The following NOX4 variants were observed in gnomAD, a reference collection of about 807,000 sequenced individuals.
NOX4 encodes kidney oxidase-1.
A neutral mutation model predicts 87.6 loss-of-function variants in NOX4; 69 were observed. The observed-to-expected ratio is 0.79, with a 90% CI of 0.65 to 0.96. NOX4 has a LOEUF of 0.96. NOX4 is among the 40% of genes least tolerant of loss of function. The probability of loss-of-function intolerance (pLI) is 0.00; values close to 1 mark genes in which losing one functional copy is unlikely to be tolerated. For missense variants in NOX4, 680 were observed against 681.5 expected (o/e 1.00, Z 0.02); for synonymous variants, 275 against 238.2 (o/e 1.15, Z -1.42).
In NOX4 at chr11:89,325,115, CTTTTTTTTTTTTTTT is replaced by C. The variant is rs141198784; in HGVS notation, c.*1626_*1640del. ...ACTAAACTGTATGAATGCTTTAATTCTTTTTTTTTTTTTTTTTTTTTTTTTTTGAGATGGAATCTT... is the reference window on the plus strand; with the variant it reads ...ACTAAACTGTATGAATGCTTTAATTCTTTTTTTTTTTTGAGATGGAATCTT... On this transcript the variant is annotated 3_prime_UTR_variant, in exon 18 of 18. Transcript: ENST00000263317. 4 of 76,328 alleles carry C rather than the reference CTTTTTTTTTTTTTTT, an allele frequency of 5.2e-5. No homozygotes were observed. In the South Asian group the frequency reaches 1.8e-3, roughly 34 times the overall value. The allele number at this position is 76,328 out of a possible 1,614,324, so 4.7% of individuals were successfully genotyped here.
At chr11:89,460,915 C>A (rs1945431235) in intron 2 of NOX4, among the ~76,000 whole-genome samples, 1 of 152,140 alleles carries the variant, frequency 6.6e-6, no homozygotes, top group Non-Finnish European at 1.5e-5. Context: ...ACCCAAATGT[C>A]CAACAATGAT....
upstream of NOX4, among the ~76,000 whole-genome samples, chr11:89,501,144 G>T (rs1947012711): frequency 2.0e-5 from 3 of 151,946 alleles, no homozygotes; most frequent in African/African-American, 7.2e-5. Context: ...TCAGCAAAAT[G>T]TTACAAGAGA....
the NOX4 span, among the ~76,000 whole-genome samples, chr11:89,525,621 A>G: frequency 1.3e-5 from 2 of 151,988 alleles, no homozygotes; most frequent in Non-Finnish European, 2.9e-5. Flanking sequence ...GATAAAGGTT[A>G]TTTGACAGAT....
At chr11:89,435,550 T>A (rs963028128) in intron 6 of NOX4, among the ~76,000 whole-genome samples, 45 of 152,140 alleles carry the variant, frequency 3.0e-4, no homozygotes, top group African/African-American at 1.1e-3. Flanking sequence ...TAAAAGTCTC[T>A]GAGAAGTATT....
In NOX4 at chr11:89,418,404, C is replaced by T. The variant is rs180677036; in HGVS notation, c.629+3498G>A. On this transcript the variant is annotated intron_variant, in intron 8 of 17. Coordinates refer to ENST00000263317, the MANE Select transcript of NOX4 (RefSeq NM_016931.5). ...CAACTTATCTCTCACTGCTCCTATT[C>T]TCTCAGCTGAACATTGAGAATAATA... Among the ~76,000 whole-genome samples the T allele has an allele frequency of 2.0e-4, 30 of 146,506 alleles. No homozygotes were observed. In the East Asian group the frequency reaches 5.8e-3, roughly 28 times the overall value.
At chr11:89,331,483 AATG>A (rs1251126901) in intron 17 of NOX4, among the ~76,000 whole-genome samples, 13 of 151,834 alleles carry the variant, frequency 8.6e-5, no homozygotes, top group African/African-American at 2.7e-4. Flanking sequence ...TATGAAAATA[AATG>A]ATGTTATACT....
At chr11:89,399,023 G>T (rs1348041259) in intron 11 of NOX4, among the ~76,000 whole-genome samples, 1 of 151,968 alleles carries the variant, frequency 6.6e-6, no homozygotes, top group East Asian at 1.9e-4. Context: ...AAACAGTAGA[G>T]AAAAGGATTG....
chr11:89,540,327 A>C, the NOX4 span, among the ~76,000 whole-genome samples: 5 of 152,064 alleles, frequency 3.3e-5, no homozygotes, highest in Non-Finnish European at 7.4e-5. Flanking sequence ...TACTTCTTTC[A>C]TCCTCCGAGT....
chr11:89,355,856 T>G (rs1334848661), intron 12 of NOX4, among the ~76,000 whole-genome samples: 1 of 152,142 alleles, frequency 6.6e-6, no homozygotes, highest in Non-Finnish European at 1.5e-5. Flanking sequence ...AGTATGAGCA[T>G]GTTCACAGTA....
chr11:89,391,006 A>T (rs2135134446), intron 11 of NOX4, among the ~76,000 whole-genome samples: 1 of 152,254 alleles, frequency 6.6e-6, no homozygotes, highest in East Asian at 1.9e-4. Context: ...TGTGCTATAA[A>T]GAGATGGGGG....
chr11:89,330,135 A>G lies in NOX4; in HGVS notation c.1617-3259T>C, dbSNP rs373384878. On this transcript the variant is annotated intron_variant, in intron 17 of 17. Coordinates refer to ENST00000263317, the MANE Select transcript of NOX4 (RefSeq NM_016931.5). ...AAATGGAAGTACATGAAGTGTTACA[A>G]TATTATTCAAAGTACCAGCCTGGCC... 3.8e-4 allele frequency among the ~76,000 whole-genome samples: 58 copies of G among 152,170 alleles called. 1 individual carries two copies. The South Asian group carries it at 0.012, about 32-fold the overall frequency.
chr11:89,396,983 C>CA (rs150500933), intron 11 of NOX4, among the ~76,000 whole-genome samples: 86,037 of 151,838 alleles, frequency 0.57, 26,236 homozygotes, highest in African/African-American at 0.79. Context: ...TAGATATCTA[C>CA]GAACTCTCCA....
At chr11:89,570,503 T>A in the NOX4 span, among the ~76,000 whole-genome samples, 3 of 151,990 alleles carry the variant, frequency 2.0e-5, no homozygotes, top group Admixed American at 2.0e-4. Context: ...CTAAAAAAAG[T>A]TGGAAAGAAA....
chr11:89,554,125 A>T, the NOX4 span, among the ~76,000 whole-genome samples: 5 of 151,950 alleles, frequency 3.3e-5, no homozygotes, highest in African/African-American at 7.2e-5. Context: ...AGTATGTATA[A>T]TTACAAGTTT....
intron 6 of NOX4, among the ~76,000 whole-genome samples, chr11:89,438,353 CTA>C (rs1209189567): frequency 9.5e-6 from 1 of 104,960 alleles, no homozygotes; most frequent in Admixed American, 1.5e-4. Context: ...ACTATATATA[CTA>C]TATATTATAT....
intron 12 of NOX4, among the ~76,000 whole-genome samples, chr11:89,368,603 A>G (rs1939197913): frequency 1.3e-5 from 2 of 152,130 alleles, no homozygotes; most frequent in Admixed American, 6.6e-5. Flanking sequence ...TTCATAAGGC[A>G]CTAATCTAAT....
the NOX4 span, among the ~76,000 whole-genome samples, chr11:89,512,862 G>A: frequency 6.6e-6 from 1 of 152,052 alleles, no homozygotes; most frequent in Admixed American, 6.6e-5. Flanking sequence ...ACACAGATAG[G>A]GAAAGAACTT....
intron 11 of NOX4, among the ~76,000 whole-genome samples, chr11:89,393,785 C>T (rs1041125936): frequency 6.6e-6 from 1 of 152,116 alleles, no homozygotes; most frequent in African/African-American, 2.4e-5. Flanking sequence ...TGAGCCTTAG[C>T]AAGGTTGAGA....
intron 13 of NOX4, among the ~76,000 whole-genome samples, chr11:89,348,736 C>G (rs982979269): frequency 6.6e-6 from 1 of 151,930 alleles, no homozygotes; most frequent in Non-Finnish European, 1.5e-5. Context: ...TTTCAGCCAC[C>G]TGGGAGTAAT....
Sources: allele counts gnomAD v4.1 joint callset (sites outside exome capture counted in the v4.1 genomes callset), GRCh38; gene constraint gnomAD v4.1.1; transcripts MANE v1.5; gene names NCBI Gene and HGNC (gene_info 2026-07-23, HGNC 2026-07-21).